Variants in YLPM1 observed in about 807,000 individuals in gnomAD.
YLPM1 encodes YLP motif containing 1, also known as YLP motif-containing protein 1.
In YLPM1, 99 loss-of-function variants were observed where a neutral mutation model predicts 230.0. The ratio of observed to expected loss-of-function variants is 0.43; its 90% CI spans 0.37 to 0.51. The LOEUF (loss-of-function observed/expected upper bound fraction) is 0.51, where lower values mean the gene tolerates loss of function less well. YLPM1 is among the 20% of genes least tolerant of loss of function. YLPM1 has a pLI of 0.00. For missense variants in YLPM1, 2,592 were observed against 2,707.7 expected, an observed-to-expected ratio of 0.96 and a Z score of 0.95; for synonymous variants, 984 against 942.5, an observed-to-expected ratio of 1.04 and a Z score of -0.81.
At chr14:74,817,806 G>A (rs1250286507) in intron 15 of YLPM1, among the ~76,000 whole-genome samples, 1 of 152,034 alleles carries the variant, frequency 6.6e-6, no homozygotes, top group Non-Finnish European at 1.5e-5. Context: ...TGTAATCCCA[G>A]CACTTTGGGA....
intron 18 of YLPM1, among the ~76,000 whole-genome samples, chr14:74,826,503 G>A (rs2091563844): frequency 6.6e-6 from 1 of 152,210 alleles, no homozygotes; most frequent in Non-Finnish European, 1.5e-5. Flanking sequence ...AGCAAAAACA[G>A]TTGAATCTGA....
chr14:74,765,531 C>T (rs529589653), intron 1 of YLPM1, among the ~76,000 whole-genome samples: 1 of 152,324 alleles, frequency 6.6e-6, no homozygotes, highest in East Asian at 1.9e-4. Flanking sequence ...TTTGTACCAT[C>T]TCACCAGTTT....
At chr14:74,787,699 T>C (rs1031525025) in intron 4 of YLPM1, among the ~76,000 whole-genome samples, 1 of 152,092 alleles carries the variant, frequency 6.6e-6, no homozygotes, top group Non-Finnish European at 1.5e-5. Flanking sequence ...TTAAAGTAAT[T>C]TTACAAATAA....
chr14:74,809,504 C>G lies in YLPM1; in HGVS notation c.4646C>G (p.Pro1549Arg). 3 of 1,581,750 alleles carry G rather than the reference C, an allele frequency of 1.9e-6. No homozygotes were observed. Among genetic ancestry groups the G allele is most frequent in the Non-Finnish European group, 2.6e-6 (3 of 1,163,160 alleles). Reference protein sequence around the residue: ...VTRPPVPIPPPPPPPPLPPPP... With the variant: ...VTRPPVPIPPRPPPPPLPPPP... ...AGGCCACCTGTCCCAATACCACCAC[C>G]TCCACCTCCTCCACCTCTACCTCCT... Residue 1549 changes from proline (P) to arginine (R), a missense_variant, in exon 7 of 21, where the codon CCT becomes CGT. By Grantham distance (103) the Pro-to-Arg change is moderately radical. Around this residue, in one of 4 missense-constraint regions of YLPM1, gnomAD observed 403 missense variants for 426.7 expected, o/e 0.94. Coordinates refer to ENST00000325680, the MANE Select transcript of YLPM1 (RefSeq NM_019589.3).
intron 6 of YLPM1, among the ~76,000 whole-genome samples, chr14:74,809,032 A>G (rs1423712749): frequency 6.6e-6 from 1 of 151,694 alleles, no homozygotes; most frequent in Non-Finnish European, 1.5e-5. Flanking sequence ...AATGATGGTG[A>G]GCATCTTTTC....
intron 4 of YLPM1, among the ~76,000 whole-genome samples, chr14:74,787,412 A>C (rs1398312283): frequency 3.3e-5 from 5 of 152,004 alleles, no homozygotes; most frequent in African/African-American, 1.2e-4. Context: ...AAAATACAAA[A>C]ATTAGCTAGG....
intron 17 of YLPM1, among the ~76,000 whole-genome samples, chr14:74,823,515 C>T (rs768345848): frequency 3.9e-5 from 6 of 151,966 alleles, no homozygotes; most frequent in African/African-American, 7.2e-5. Context: ...TTGAAATAAG[C>T]CACCCAGTTA....
At position 74,824,032 on chromosome 14, in the gene YLPM1, C is replaced by G. The variant is rs193081784; in HGVS notation, c.6112-224C>G. ...GCTGCCTCAAAGCGCCTTCATGATACTATTCTGAAGTGACTACTCTGAAAT... is the reference window on the plus strand; with the variant it reads ...GCTGCCTCAAAGCGCCTTCATGATAGTATTCTGAAGTGACTACTCTGAAAT... On this transcript the variant is annotated intron_variant, in intron 17 of 20. Transcript: ENST00000325680. 4 of 473,312 alleles carry G rather than the reference C, an allele frequency of 8.5e-6. No individual in the cohort carries two copies. In the Admixed American group the frequency reaches 1.2e-4, roughly 14 times the overall value. 29.3% of individuals were successfully genotyped at this position (473,312 alleles called of 1,614,324 possible). A position where few individuals can be genotyped will look rare whatever the true frequency, so the allele number is the denominator to read the frequency against.
At position 74,798,910 on chromosome 14, in the gene YLPM1, C is replaced by T; in HGVS notation, c.3613C>T (p.Pro1205Ser). The change falls in exon 5 of 21, where the codon CCA becomes TCA. Residue 1205 changes from proline to serine, a missense_variant. By Grantham distance (74) the Pro-to-Ser change is moderately conservative. Coordinates refer to ENST00000325680, the MANE Select transcript of YLPM1 (RefSeq NM_019589.3). ...HGEERGHEEF[P>S]LDGRNAPMER... is the part of the protein sequence containing the mutation. ...AGAAGAGCGAGGGCATGAAGAGTTT[C>T]CATTAGATGGTAGAAATGCTCCAAT... The T allele has an allele frequency of 1.2e-6, 2 of 1,613,812 alleles. No individual in the cohort carries two copies. Among genetic ancestry groups the T allele is most frequent in the Non-Finnish European group, 1.7e-6 (2 of 1,179,838 alleles).
At chr14:74,833,625 A>G (rs975466102) in intron 19 of YLPM1, among the ~76,000 whole-genome samples, 8 of 152,218 alleles carry the variant, frequency 5.3e-5, no homozygotes, top group African/African-American at 1.9e-4. Flanking sequence ...TCTATATTGA[A>G]GCCCACATTA....
At chr14:74,769,997 A>G (rs552711479) in intron 1 of YLPM1, among the ~76,000 whole-genome samples, 1 of 151,614 alleles carries the variant, frequency 6.6e-6, no homozygotes, top group African/African-American at 2.4e-5. Context: ...CCTGGCTAAC[A>G]TGGTGAAACC....
At chr14:74,820,797 A>G (rs1486267689) in intron 16 of YLPM1, among the ~76,000 whole-genome samples, 1 of 152,240 alleles carries the variant, frequency 6.6e-6, no homozygotes, top group Non-Finnish European at 1.5e-5. Flanking sequence ...GGCATTCAAA[A>G]TAGGTAACCA....
At chr14:74,776,596 C>A (rs752120615) in intron 1 of YLPM1, among the ~76,000 whole-genome samples, 19 of 152,134 alleles carry the variant, frequency 1.2e-4, no homozygotes, top group Non-Finnish European at 2.8e-4. Flanking sequence ...TCTAAATAGA[C>A]TGAAAATGAC....
Position 74,836,777 on chromosome 14 carries a change from T to A in YLPM1, c.*1039T>A, listed in dbSNP as rs2091646310. On this transcript the variant is annotated 3_prime_UTR_variant, in exon 21 of 21. Transcript: ENST00000325680. Reference sequence around the variant, plus strand: ...CCAGATTGTTCATTACTGGAAAGCATGGCCTTCTGCACAGAATTTCCTCTC... The same window carrying A: ...CCAGATTGTTCATTACTGGAAAGCAAGGCCTTCTGCACAGAATTTCCTCTC... The A allele has an allele frequency of 6.6e-6, 1 of 152,650 alleles. No homozygotes were observed. Among genetic ancestry groups the A allele is most frequent in the African/African-American group, 2.4e-5 (1 of 41,462 alleles). The allele number at this position is 152,650 out of a possible 1,614,324, so 9.5% of individuals were successfully genotyped here.
chr14:74,820,704 A>G (rs1385517391), intron 16 of YLPM1, among the ~76,000 whole-genome samples: 1 of 152,216 alleles, frequency 6.6e-6, no homozygotes, highest in Non-Finnish European at 1.5e-5. Context: ...TTTTTCTTAT[A>G]TTTTGAAATT....
At chr14:74,823,949 C>G (rs901441676) in intron 17 of YLPM1, 2 of 244,068 alleles carry the variant, frequency 8.2e-6, no homozygotes. Context: ...CCTGTACATT[C>G]TTATCATATT....
chr14:74,781,309 A>G, intron 3 of YLPM1, 25 bp from the exon 4 acceptor site: 4 of 1,495,694 alleles, frequency 2.7e-6, no homozygotes, highest in Non-Finnish European at 1.8e-6. Context: ...ATGGTTTTAA[A>G]TAGTTTTTAT....
chr14:74,820,722 T>C (rs1378021643), intron 16 of YLPM1, among the ~76,000 whole-genome samples: 1 of 152,230 alleles, frequency 6.6e-6, no homozygotes, highest in Non-Finnish European at 1.5e-5. Flanking sequence ...ATTTGAATCA[T>C]TGACATGTTT....
chr14:74,780,821 G>C (rs1268793808), intron 3 of YLPM1, among the ~76,000 whole-genome samples: 1 of 152,142 alleles, frequency 6.6e-6, no homozygotes, highest in Non-Finnish European at 1.5e-5. Flanking sequence ...CTATTGCTAA[G>C]GGTCTTAAGA....
Sources: allele counts gnomAD v4.1 joint callset (sites outside exome capture counted in the v4.1 genomes callset), GRCh38; gene constraint gnomAD v4.1.1; regional missense constraint gnomAD v4.1.1; transcripts MANE v1.5; gene names NCBI Gene and HGNC (gene_info 2026-07-23, HGNC 2026-07-21).